The following CDH11 variants were observed in gnomAD, a reference collection of about 807,000 sequenced individuals.
CDH11 encodes cadherin-11.
A neutral mutation model predicts 67.8 loss-of-function variants in CDH11; 11 were observed. The observed-to-expected ratio is 0.16, with a 90% CI of 0.10 to 0.27. The LOEUF (loss-of-function observed/expected upper bound fraction) is 0.27, where lower values mean the gene tolerates loss of function less well. CDH11 is among the 10% of genes least tolerant of loss of function. The pLI, the probability that CDH11 is intolerant of heterozygous loss-of-function variation, is 1.00. For synonymous variants in CDH11, 419 were observed against 400.0 expected (o/e 1.05, Z -0.57); for missense variants, 847 against 1,031.2 (o/e 0.82, Z 2.45).
chr16:64,990,268 T>A (rs185393), intron 6 of CDH11, among the ~76,000 whole-genome samples: 64,505 of 151,980 alleles, frequency 0.42, 14,678 homozygotes, highest in East Asian at 0.63. Context: ...TGCAGCTCTT[T>A]GAATGTTATA....
chr16:64,977,158 C>G (rs2072194971), intron 8 of CDH11, among the ~76,000 whole-genome samples: 1 of 152,174 alleles, frequency 6.6e-6, no homozygotes, highest in African/African-American at 2.4e-5. Context: ...CATGATGACA[C>G]CACTGCACTC....
At chr16:64,983,057 T>TC (rs2072394801) in intron 7 of CDH11, 2 of 152,184 alleles carry the variant, frequency 1.3e-5, no homozygotes, top group Admixed American at 1.3e-4. Flanking sequence ...TTTGGTTTGA[T>TC]TGCATTTATT....
At chr16:65,105,215 T>C (rs2142867382) in intron 1 of CDH11, among the ~76,000 whole-genome samples, 1 of 152,302 alleles carries the variant, frequency 6.6e-6, no homozygotes, top group East Asian at 1.9e-4. Flanking sequence ...GTTTGTTTAT[T>C]TGTTTTTGGA....
chr16:65,110,524 T>C (rs150140495), intron 1 of CDH11, among the ~76,000 whole-genome samples: 152 of 152,144 alleles, frequency 1.0e-3, no homozygotes, highest in South Asian at 2.7e-3. Flanking sequence ...CCGCTGGACA[T>C]GGGTGGCTAT....
In CDH11 at chr16:64,945,805, T is replaced by C. The variant is rs1371037511; in HGVS notation, c.*1798A>G. ...ATCATAAAAATAGTACATAACATGA[T>C]ATCAAGAAATGCTTGAAACAAACTT... On this transcript the variant is annotated 3_prime_UTR_variant, in exon 13 of 13. Coordinates refer to ENST00000268603, the MANE Select transcript of CDH11 (RefSeq NM_001797.4). 1 of 1,047,568 alleles carries C rather than the reference T, an allele frequency of 9.5e-7. No individual in the cohort carries two copies. The highest frequency in any genetic ancestry group is 5.6e-5 in the East Asian group (1 of 17,942). 64.9% of individuals were successfully genotyped at this position (1,047,568 alleles called of 1,614,324 possible). A position where few individuals can be genotyped will look rare whatever the true frequency, so the allele number is the denominator to read the frequency against.
At chr16:64,972,104 A>G (rs1422321245) in intron 9 of CDH11, 40 bp from the exon 10 acceptor site, 9 of 1,592,796 alleles carry the variant, frequency 5.7e-6, no homozygotes, top group South Asian at 2.2e-5. Flanking sequence ...AAGGTCAAGG[A>G]GAAATACACA....
chr16:65,070,444 G>C (rs897596982), intron 1 of CDH11, among the ~76,000 whole-genome samples: 6 of 152,160 alleles, frequency 3.9e-5, no homozygotes, highest in Non-Finnish European at 7.3e-5. Context: ...GACTTTGAGT[G>C]AATGGCTCGA....
rs1025067497 is a variant in CDH11 at position 64,955,480 on chromosome 16, T to G, written c.1643-4462A>C. 4.6e-5 allele frequency among the ~76,000 whole-genome samples: 7 copies of G among 151,948 alleles called. No homozygotes were observed. The East Asian group carries it at 1.2e-3, about 25-fold the overall frequency. On this transcript the variant is annotated intron_variant, in intron 11 of 12. Coordinates refer to ENST00000268603, the MANE Select transcript of CDH11 (RefSeq NM_001797.4). ...AGGGGTTGGTATGGTGGTTCACACC[T>G]GTAATCTCGACACTTTGGGAGGCTG...
At chr16:64,993,084 T>G in intron 4 of CDH11, 50 bp from the exon 5 acceptor site, 1 of 1,482,206 alleles carries the variant, frequency 6.7e-7, no homozygotes, top group Non-Finnish European at 9.4e-7. Context: ...ATTTTCAAAT[T>G]ATGTTCTTGT....
At chr16:65,008,814 G>A (rs2073117285) in intron 2 of CDH11, among the ~76,000 whole-genome samples, 3 of 152,082 alleles carry the variant, frequency 2.0e-5, no homozygotes, top group African/African-American at 7.2e-5. Flanking sequence ...CTAAATGTGG[G>A]AAGTAAATTA....
chr16:65,029,020 G>A (rs1469160600), intron 2 of CDH11, among the ~76,000 whole-genome samples: 4 of 152,106 alleles, frequency 2.6e-5, no homozygotes, highest in Non-Finnish European at 4.4e-5. Context: ...GCTGTACAAC[G>A]TTGTACCTAT....
intron 2 of CDH11, among the ~76,000 whole-genome samples, chr16:65,034,393 C>A (rs151335360): frequency 6.6e-6 from 1 of 152,158 alleles, no homozygotes; most frequent in Non-Finnish European, 1.5e-5. Flanking sequence ...AAAACTAATA[C>A]GGATAGAGTG....
Position 64,981,878 on chromosome 16 carries a change from AG to A in CDH11, c.1253+169del, listed in dbSNP as rs1180157361. 22 of 571,312 alleles carry A rather than the reference AG, an allele frequency of 3.9e-5. No individual in the cohort carries two copies. The African/African-American group carries it at 4.1e-4, about 11-fold the overall frequency. The allele number at this position is 571,312 out of a possible 1,614,324, so 35.4% of individuals were successfully genotyped here. A position where few individuals can be genotyped will look rare whatever the true frequency, so the allele number is the denominator to read the frequency against. On this transcript the variant is annotated intron_variant, in intron 8 of 12. Coordinates refer to ENST00000268603, the MANE Select transcript of CDH11 (RefSeq NM_001797.4). ...ATCCTATCCAAAAAGTCAGGAACAG[AG>A]GTGAAGGGAAGCTCATGTCTTCTAA...
intron 7 of CDH11, among the ~76,000 whole-genome samples, chr16:64,984,324 C>T (rs2072429423): frequency 6.6e-6 from 1 of 152,208 alleles, no homozygotes; most frequent in Admixed American, 6.5e-5. Flanking sequence ...GCAAGAATGA[C>T]TGTACCAAGT....
At chr16:65,110,254 A>T (rs548201967) in intron 1 of CDH11, among the ~76,000 whole-genome samples, 1 of 152,174 alleles carries the variant, frequency 6.6e-6, no homozygotes, top group African/African-American at 2.4e-5. Context: ...TTTGAGAAGA[A>T]CTCAAAAGCC....
intron 1 of CDH11, among the ~76,000 whole-genome samples, chr16:65,117,752 A>G (rs1365466998): frequency 1.3e-5 from 2 of 152,168 alleles, no homozygotes; most frequent in African/African-American, 4.8e-5. Flanking sequence ...CGGTAGTCTC[A>G]CTGATATTTT....
chr16:65,121,437 A>T lies in CDH11; in HGVS notation c.-298+443T>A, dbSNP rs1011818162. Among the ~76,000 whole-genome samples the T allele has an allele frequency of 1.3e-5, 2 of 152,098 alleles. No homozygotes were observed. Among genetic ancestry groups the T allele is most frequent in the Non-Finnish European group, 2.9e-5 (2 of 68,008 alleles). Reference sequence around the variant, plus strand: ...AGTAAGAACCCCGCAGAGCGCGGTCATGTCGCCGCTTTGGGGAAGCGGCGC... The same window carrying T: ...AGTAAGAACCCCGCAGAGCGCGGTCTTGTCGCCGCTTTGGGGAAGCGGCGC... On this transcript the variant is annotated intron_variant, in intron 1 of 12. Coordinates refer to ENST00000268603, the MANE Select transcript of CDH11 (RefSeq NM_001797.4). This position sits in a 1 kb window ranked among gnomAD's most constrained non-coding sequence, Gnocchi z 4.1.
chr16:65,039,159 C>G (rs1260983291), intron 2 of CDH11, among the ~76,000 whole-genome samples: 1 of 152,192 alleles, frequency 6.6e-6, no homozygotes, highest in African/African-American at 2.4e-5. Flanking sequence ...TGCCTCCTTC[C>G]TTGCCATATG....
intron 2 of CDH11, among the ~76,000 whole-genome samples, chr16:65,015,444 GA>G (rs761304503): frequency 7.8e-5 from 11 of 140,748 alleles, no homozygotes; most frequent in Admixed American, 1.4e-4. Flanking sequence ...AATAAAGAGT[GA>G]AAAAAAAAAC....
Sources: allele counts gnomAD v4.1 joint callset (sites outside exome capture counted in the v4.1 genomes callset), GRCh38; gene constraint gnomAD v4.1.1; non-coding constraint Gnocchi (gnomAD v3.1); transcripts MANE v1.5; gene names NCBI Gene and HGNC (gene_info 2026-07-23, HGNC 2026-07-21).